The following KDM4C variants were observed in gnomAD, a reference collection of about 807,000 sequenced individuals.
KDM4C encodes lysine demethylase 4C.
A neutral mutation model predicts 129.3 loss-of-function variants in KDM4C; 81 were observed. That is an observed-to-expected ratio of 0.63 (90% CI 0.52 to 0.75). KDM4C has a LOEUF of 0.75. KDM4C is among the 30% of genes least tolerant of loss of function. The pLI is 0.00. For synonymous variants in KDM4C, 573 were observed against 456.1 expected, an observed-to-expected ratio of 1.26 and a Z score of -3.26; for missense variants, 1,457 against 1,304.0, an observed-to-expected ratio of 1.12 and a Z score of -1.81.
At chr9:6,873,335 C>G (rs573973220) in intron 5 of KDM4C, among the ~76,000 whole-genome samples, 20 of 152,266 alleles carry the variant, frequency 1.3e-4, no homozygotes, top group Admixed American at 9.2e-4. Context: ...ATTGACTCCT[C>G]TATCTGTGAA....
Position 6,881,631 on chromosome 9 carries a change from C to T in KDM4C, c.679+1570C>T, listed in dbSNP as rs946925242. Among the ~76,000 whole-genome samples the T allele has an allele frequency of 5.3e-5, 8 of 152,296 alleles. No individual in the cohort carries two copies. In the South Asian group the frequency reaches 1.2e-3, roughly 24 times the overall value. On this transcript the variant is annotated intron_variant, in intron 6 of 21. Coordinates refer to ENST00000381309, the MANE Select transcript of KDM4C (RefSeq NM_015061.6). Reference sequence around the variant, plus strand: ...CTGATATAAACTTCTAATGCTTTGACGTAAACTGTCTGAAAATGACATTCC... The same window carrying T: ...CTGATATAAACTTCTAATGCTTTGATGTAAACTGTCTGAAAATGACATTCC...
chr9:6,823,946 T>C (rs1454571125), intron 4 of KDM4C, among the ~76,000 whole-genome samples: 1 of 152,188 alleles, frequency 6.6e-6, no homozygotes, highest in East Asian at 1.9e-4. Flanking sequence ...CTCATACTGA[T>C]GGGAAGATGA....
At chr9:6,721,611 C>T (rs1188961761) in intron 1 of KDM4C, among the ~76,000 whole-genome samples, 5 of 125,872 alleles carry the variant, frequency 4.0e-5, no homozygotes, top group Admixed American at 3.6e-4. Context: ...TTTCCTGAGA[C>T]GGAGTCTCGC....
At chr9:7,046,325 A>G (rs1829386378) in intron 15 of KDM4C, among the ~76,000 whole-genome samples, 1 of 151,894 alleles carries the variant, frequency 6.6e-6, no homozygotes, top group Non-Finnish European at 1.5e-5. Context: ...ACTTTTTATA[A>G]CACTATTTGC....
intron 5 of KDM4C, among the ~76,000 whole-genome samples, chr9:6,876,224 C>G (rs1436439974): frequency 6.6e-6 from 1 of 152,152 alleles, no homozygotes; most frequent in Non-Finnish European, 1.5e-5. Context: ...ACCTCATTGC[C>G]TTGTAGCCAT....
Position 6,844,289 on chromosome 9 carries a change from T to C in KDM4C, c.436-5218T>C, listed in dbSNP as rs75389583. 1.5e-3 allele frequency among the ~76,000 whole-genome samples: 234 copies of C among 152,330 alleles called. 4 individuals carry two copies. In the East Asian group the frequency reaches 0.033, roughly 22 times the overall value. ...GTTTTTCTAATTTACACTATTTTAT[T>C]TTTAGTGACATAATCAAATTAAATA... On this transcript the variant is annotated intron_variant, in intron 4 of 21. Coordinates refer to ENST00000381309, the MANE Select transcript of KDM4C (RefSeq NM_015061.6).
chr9:7,168,015 C>A (rs2130463809), intron 20 of KDM4C, among the ~76,000 whole-genome samples: 1 of 151,304 alleles, frequency 6.6e-6, no homozygotes, highest in East Asian at 1.9e-4. Flanking sequence ...AACCCCGTCT[C>A]TACTAAAAAA....
rs368140089 is a variant in KDM4C, at chr9:7,014,884, C to G, written c.2182+883C>G. 2.9e-4 allele frequency among the ~76,000 whole-genome samples: 43 copies of G among 149,670 alleles called. 1 individual carries two copies. In the East Asian group the frequency reaches 8.1e-3, roughly 28 times the overall value. ...CTATCTGCTTGAAATATAATCGTAGCCATCTTCTTTTTGTATTGAAGGCAA... is the reference window on the plus strand; with the variant it reads ...CTATCTGCTTGAAATATAATCGTAGGCATCTTCTTTTTGTATTGAAGGCAA... On this transcript the variant is annotated intron_variant, in intron 14 of 21. Transcript: ENST00000381309.
intron 8 of KDM4C, among the ~76,000 whole-genome samples, chr9:6,970,220 G>A (rs1274455044): frequency 6.6e-6 from 1 of 152,188 alleles, no homozygotes; most frequent in African/African-American, 2.4e-5. Flanking sequence ...TTTTTAAAAA[G>A]ATTAAATAAT....
At position 6,787,229 on chromosome 9, in the gene KDM4C, A is replaced by G. The variant is rs978261402; in HGVS notation, c.-17-5743A>G. ...TGTGCCTCAATTTCTTGTCAGAGCC[A>G]TTTTTCATTTGTTTGTTTTTTGAGA... On this transcript the variant is annotated intron_variant, in intron 1 of 21. Transcript: ENST00000381309. Among the ~76,000 whole-genome samples, 21 of 152,080 alleles carry G rather than the reference A, an allele frequency of 1.4e-4. 3 individuals are homozygous for G. Among genetic ancestry groups the G allele is most frequent in the Admixed American group, 1.2e-3 (19 of 15,258 alleles).
intron 18 of KDM4C, among the ~76,000 whole-genome samples, chr9:7,115,274 A>T (rs560939127): frequency 2.0e-5 from 3 of 152,272 alleles, no homozygotes; most frequent in African/African-American, 7.2e-5. Flanking sequence ...TTTTGCACAG[A>T]ATTAATATTT....
At chr9:7,155,035 T>A (rs1843025485) in intron 19 of KDM4C, among the ~76,000 whole-genome samples, 1 of 152,226 alleles carries the variant, frequency 6.6e-6, no homozygotes, top group African/African-American at 2.4e-5. Context: ...TAAACTGCAT[T>A]AGGAAAAGCC....
chr9:6,807,425 C>G (rs891513199), intron 3 of KDM4C, among the ~76,000 whole-genome samples: 1 of 144,868 alleles, frequency 6.9e-6, no homozygotes, highest in African/African-American at 2.6e-5. Flanking sequence ...GCCATCCCAT[C>G]TAGGAAGTGA....
chr9:7,060,247 A>G (rs1587347824), intron 17 of KDM4C, among the ~76,000 whole-genome samples: 1 of 151,030 alleles, frequency 6.6e-6, no homozygotes, highest in East Asian at 1.9e-4. Flanking sequence ...TACTGGCAAG[A>G]ACGTGGAGAA....
chr9:7,161,977 C>G lies in KDM4C; in HGVS notation c.2782-3261C>G, dbSNP rs1478433049. ...AAAGTAGATGTTACAGAAATAAGCT[C>G]TTTTATGTTTTACTCCGAGCTACCT... On this transcript the variant is annotated intron_variant, in intron 19 of 21. Transcript: ENST00000381309. 1.3e-5 allele frequency among the ~76,000 whole-genome samples: 2 copies of G among 152,290 alleles called. 1 individual carries two copies. The highest frequency in any genetic ancestry group is 6.8e-3 in the Middle Eastern group (2 of 294).
In KDM4C at chr9:6,981,412, T is replaced by C. The variant is rs973708366; in HGVS notation, c.1115+294T>C. The stretch of plus-strand genomic sequence containing the variant: ...ATGTGTTTTATGGTTGTATTATTCC[T>C]TTCTGTGCATTTCCATATTTTAATC... On this transcript the variant is annotated intron_variant, in intron 9 of 21. Coordinates refer to ENST00000381309, the MANE Select transcript of KDM4C (RefSeq NM_015061.6). 2.0e-5 allele frequency among the ~76,000 whole-genome samples: 3 copies of C among 152,200 alleles called. No homozygotes were observed. The East Asian group carries it at 5.8e-4, about 29-fold the overall frequency.
intron 1 of KDM4C, among the ~76,000 whole-genome samples, chr9:6,735,279 A>G (rs1287292869): frequency 6.6e-6 from 1 of 152,126 alleles, no homozygotes; most frequent in Admixed American, 6.5e-5. Flanking sequence ...GAAAATGGAC[A>G]CAGGGCGCTG....
intron 8 of KDM4C, among the ~76,000 whole-genome samples, chr9:6,952,712 A>C (rs1469803359): frequency 6.6e-6 from 1 of 152,118 alleles, no homozygotes; most frequent in Non-Finnish European, 1.5e-5. Context: ...AACTGATGGG[A>C]TTACAGGTGT....
chr9:6,984,041 G>C, intron 9 of KDM4C, 125 bp from the exon 10 acceptor site: 1 of 629,664 alleles, frequency 1.6e-6, no homozygotes, highest in South Asian at 2.0e-5. Flanking sequence ...CATTGACTTG[G>C]CATAGTGATT....
Sources: allele counts gnomAD v4.1 joint callset (sites outside exome capture counted in the v4.1 genomes callset), GRCh38; gene constraint gnomAD v4.1.1; transcripts MANE v1.5; gene names NCBI Gene and HGNC (gene_info 2026-07-23, HGNC 2026-07-21).